AGBL4: variants seen among roughly 807,000 people sequenced by gnomAD.
AGBL4 encodes the protein AGBL carboxypeptidase 4, also known as cytosolic carboxypeptidase 6.
In AGBL4, 58 loss-of-function variants were observed where a neutral mutation model predicts 66.4. The ratio of observed to expected loss-of-function variants is 0.87; its 90% CI spans 0.71 to 1.09. The LOEUF is 1.09. Among genes scored for constraint, AGBL4 ranks in the 50% least tolerant of loss-of-function variants. AGBL4 has a pLI of 0.00. For synonymous variants in AGBL4, 234 were observed against 222.9 expected (o/e 1.05, Z -0.44); for missense variants, 579 against 631.0 (o/e 0.92, Z 0.88).
At chr1:49,841,955 C>T in intron 2 of AGBL4, 1 of 566,724 alleles carries the variant, frequency 1.8e-6, no homozygotes, top group Non-Finnish European at 3.2e-6. Context: ...GTGTCCTCCA[C>T]CTCGTACCTG....
At chr1:48,750,287 G>C (rs1028568250) in intron 6 of AGBL4, among the ~76,000 whole-genome samples, 1 of 152,160 alleles carries the variant, frequency 6.6e-6, no homozygotes, top group African/African-American at 2.4e-5. Context: ...AGTTCTGCTT[G>C]CTCTCATCTA....
chr1:49,043,807 C>A (rs1351405071), intron 5 of AGBL4, among the ~76,000 whole-genome samples: 1 of 152,258 alleles, frequency 6.6e-6, no homozygotes, highest in South Asian at 2.1e-4. Context: ...AATAACATGA[C>A]CAGATTTGTC....
intron 1 of AGBL4, among the ~76,000 whole-genome samples, chr1:49,949,674 T>G (rs1459265025): frequency 6.6e-6 from 1 of 151,648 alleles, no homozygotes; most frequent in Non-Finnish European, 1.5e-5. Flanking sequence ...TACTCCTGCA[T>G]GAATGGCCAT....
intron 6 of AGBL4, among the ~76,000 whole-genome samples, chr1:48,722,062 A>C (rs1205529553): frequency 6.8e-6 from 1 of 147,026 alleles, no homozygotes; most frequent in Non-Finnish European, 1.5e-5. Flanking sequence ...AGGAACAGAG[A>C]GAGAGAAAAT....
At chr1:49,067,653 C>T (rs1304191585) in intron 4 of AGBL4, among the ~76,000 whole-genome samples, 2 of 152,172 alleles carry the variant, frequency 1.3e-5, no homozygotes, top group African/African-American at 4.8e-5. Context: ...CACTCTCTCT[C>T]AATCCCTTTT....
At chr1:49,607,208 C>T (rs1317013242) in intron 3 of AGBL4, among the ~76,000 whole-genome samples, 1 of 152,128 alleles carries the variant, frequency 6.6e-6, no homozygotes, top group Non-Finnish European at 1.5e-5. Context: ...ATGTTCCTGT[C>T]ATCTGGCTGC....
chr1:49,386,610 T>C (rs568655373), intron 3 of AGBL4, among the ~76,000 whole-genome samples: 1 of 152,084 alleles, frequency 6.6e-6, no homozygotes, highest in African/African-American at 2.4e-5. Context: ...GGAAACACAA[T>C]GTACAGTAAA....
At chr1:49,827,749 CAT>C (rs887881768) in intron 2 of AGBL4, among the ~76,000 whole-genome samples, 4 of 151,944 alleles carry the variant, frequency 2.6e-5, no homozygotes, top group Non-Finnish European at 4.4e-5. Flanking sequence ...TTGACAAACT[CAT>C]GTGGCAAATT....
At chr1:49,956,556 A>G (rs1656622440) in intron 1 of AGBL4, among the ~76,000 whole-genome samples, 2 of 151,976 alleles carry the variant, frequency 1.3e-5, no homozygotes, top group African/African-American at 4.8e-5. Flanking sequence ...GCAACTTAGT[A>G]TGCTAGGAAG....
chr1:49,053,428 A>G (rs1644255162), intron 4 of AGBL4, among the ~76,000 whole-genome samples: 1 of 152,128 alleles, frequency 6.6e-6, no homozygotes, highest in African/African-American at 2.4e-5. Flanking sequence ...GAAGTATTCA[A>G]AGATGTTGTC....
At chr1:49,906,570 C>T (rs1218483020) in intron 1 of AGBL4, among the ~76,000 whole-genome samples, 1 of 151,800 alleles carries the variant, frequency 6.6e-6, no homozygotes. Flanking sequence ...GGCTAACAGC[C>T]AATAAATGCA....
chr1:49,872,725 T>C (rs1401749659), intron 1 of AGBL4, among the ~76,000 whole-genome samples: 1 of 152,088 alleles, frequency 6.6e-6, no homozygotes, highest in African/African-American at 2.4e-5. Context: ...TTCTTGCTGC[T>C]TTTTATGCAA....
intron 1 of AGBL4, among the ~76,000 whole-genome samples, chr1:49,954,388 A>T (rs1277022310): frequency 6.6e-6 from 1 of 151,938 alleles, no homozygotes; most frequent in Non-Finnish European, 1.5e-5. Flanking sequence ...AATTAATGTC[A>T]TTATCATGGG....
intron 1 of AGBL4, among the ~76,000 whole-genome samples, chr1:49,903,835 A>G (rs1650008053): frequency 6.6e-6 from 1 of 152,148 alleles, no homozygotes; most frequent in Non-Finnish European, 1.5e-5. Context: ...AATGAACTGG[A>G]TTCTATATAG....
intron 5 of AGBL4, among the ~76,000 whole-genome samples, chr1:48,896,301 C>T (rs1351934976): frequency 6.6e-6 from 1 of 152,192 alleles, no homozygotes; most frequent in African/African-American, 2.4e-5. Context: ...CTAAGTCTGG[C>T]ATTGAGGAAC....
At chr1:48,837,020 T>C (rs1468447635) in intron 6 of AGBL4, among the ~76,000 whole-genome samples, 1 of 148,168 alleles carries the variant, frequency 6.7e-6, no homozygotes, top group African/African-American at 2.4e-5. Flanking sequence ...AGTAATATTA[T>C]ATAACATAAG....
intron 3 of AGBL4, among the ~76,000 whole-genome samples, chr1:49,372,108 C>T (rs1268246228): frequency 6.6e-6 from 1 of 152,006 alleles, no homozygotes; most frequent in Non-Finnish European, 1.5e-5. Context: ...GAAGACATTA[C>T]AGAAAGGCTG....
rs1266598073 is a variant in AGBL4, at chr1:49,663,737, G to GA, written c.282+33575dup. Among the ~76,000 whole-genome samples the GA allele has an allele frequency of 6.0e-5, 9 of 151,152 alleles. No homozygotes were observed. The East Asian group carries it at 1.6e-3, about 26-fold the overall frequency. Reference sequence around the variant, plus strand: ...CAGAATAAGATATGACAGTAGAAATGAAAAAAATAATTTGGTACCAAAAGA... The same window carrying GA: ...CAGAATAAGATATGACAGTAGAAATGAAAAAAAATAATTTGGTACCAAAAGA... On this transcript the variant is annotated intron_variant, in intron 3 of 13. Transcript: ENST00000371839.
chr1:49,041,847 T>A (rs562908042), intron 5 of AGBL4, among the ~76,000 whole-genome samples: 27 of 152,202 alleles, frequency 1.8e-4, no homozygotes, highest in Admixed American at 5.9e-4. Flanking sequence ...CCTATTCCAA[T>A]CACACCAGAC....
Sources: gnomAD v4.1 joint callset for allele counts (sites outside exome capture counted in the v4.1 genomes callset) on GRCh38, gnomAD v4.1.1 for gene constraint, MANE v1.5 for transcripts, NCBI Gene and HGNC (gene_info 2026-07-23, HGNC 2026-07-21) for gene names.